The following ABCC1 variants were observed in gnomAD, a reference collection of about 807,000 sequenced individuals.
ABCC1 encodes the protein multidrug resistance-associated protein 1.
Under a neutral mutation model 172.9 loss-of-function variants are expected in ABCC1, and 83 were observed. The ratio of observed to expected loss-of-function variants is 0.48; its 90% confidence interval spans 0.40 to 0.58. The LOEUF (loss-of-function observed/expected upper bound fraction) is 0.58, where lower values mean the gene tolerates loss of function less well. ABCC1 is among the 20% of genes least tolerant of loss of function. The pLI is 0.00. For missense variants in ABCC1, 1,817 were observed against 2,002.7 expected, an observed-to-expected ratio of 0.91 and a Z score of 1.77; for synonymous variants, 937 against 825.2, an observed-to-expected ratio of 1.14 and a Z score of -2.32.
intron 1 of ABCC1, among the ~76,000 whole-genome samples, chr16:15,981,726 G>A (rs2046624332): frequency 6.6e-6 from 1 of 152,142 alleles, no homozygotes; most frequent in South Asian, 2.1e-4. Context: ...TTTCCCCATT[G>A]TCTTGGTGAT....
chr16:16,107,183 CT>C (rs2052161249), intron 21 of ABCC1, among the ~76,000 whole-genome samples: 1 of 152,186 alleles, frequency 6.6e-6, no homozygotes, highest in Admixed American at 6.5e-5. Flanking sequence ...GAGCTGGATG[CT>C]TTAAATCAGG....
chr16:16,141,284 C>T lies in ABCC1; in HGVS notation c.*3C>T, dbSNP rs373453875. 6.8e-6 allele frequency: 11 copies of T among 1,613,658 alleles called. No homozygotes were observed. The Admixed American group carries it at 1.5e-4, about 22-fold the overall frequency. ...CCAAAGACGCCGGCTTGGTGTGAGC[C>T]CCAGAGCTGGCATATCTGGTCAGAA... On this transcript the variant is annotated 3_prime_UTR_variant, in exon 31 of 31. Coordinates refer to ENST00000399410, the MANE Select transcript of ABCC1 (RefSeq NM_004996.4).
At chr16:16,120,303 C>A (rs1422448300) in intron 23 of ABCC1, among the ~76,000 whole-genome samples, 1 of 152,214 alleles carries the variant, frequency 6.6e-6, no homozygotes, top group Admixed American at 6.5e-5. Context: ...AATCAGGAAC[C>A]CCGGGCTCAC....
At chr16:16,090,149 T>C (rs2051182828) in intron 18 of ABCC1, among the ~76,000 whole-genome samples, 1 of 152,194 alleles carries the variant, frequency 6.6e-6, no homozygotes, top group African/African-American at 2.4e-5. Context: ...CAGGGGTCTT[T>C]GTTTCCTTCC....
chr16:15,975,110 G>C (rs1406796578), intron 1 of ABCC1, among the ~76,000 whole-genome samples: 1 of 152,136 alleles, frequency 6.6e-6, no homozygotes, highest in Non-Finnish European at 1.5e-5. Context: ...CTTAAGCACA[G>C]CTCTTCGGCA....
At chr16:16,123,498 A>C (rs1466216078) in intron 24 of ABCC1, among the ~76,000 whole-genome samples, 1 of 151,956 alleles carries the variant, frequency 6.6e-6, no homozygotes, top group East Asian at 1.9e-4. Flanking sequence ...TTAGCCGGGC[A>C]TGATGGTGGG....
intron 3 of ABCC1, 51 bp downstream of exon 3, chr16:16,009,952 G>C: frequency 7.4e-7 from 1 of 1,354,210 alleles, no homozygotes; most frequent in Non-Finnish European, 9.7e-7. Context: ...GCTCAGTGGA[G>C]ACCAAAAGTA....
At chr16:16,050,307 A>G (rs1389768116) in intron 10 of ABCC1, among the ~76,000 whole-genome samples, 1 of 152,070 alleles carries the variant, frequency 6.6e-6, no homozygotes, top group African/African-American at 2.4e-5. Flanking sequence ...AAAAATATAA[A>G]CATTAGTCAG....
intron 1 of ABCC1, among the ~76,000 whole-genome samples, chr16:15,972,086 T>A (rs2046382561): frequency 6.6e-6 from 1 of 152,064 alleles, no homozygotes; most frequent in Non-Finnish European, 1.5e-5. Flanking sequence ...CCCACAGTCA[T>A]GCTGGGTGGT....
chr16:16,100,363 GC>G (rs11323592), intron 19 of ABCC1, among the ~76,000 whole-genome samples: 147,487 of 151,874 alleles, frequency 0.97, 71,663 homozygotes, highest in East Asian at 1. Flanking sequence ...TGGTAGGAGA[GC>G]GGGGGGGCTC....
intron 20 of ABCC1, chr16:16,105,312 C>G (rs1370573820): frequency 6.6e-6 from 1 of 152,312 alleles, no homozygotes. Flanking sequence ...CAGGAAGCCC[C>G]AGCTCCCCAT....
At chr16:16,140,141 C>A (rs1034607700) in intron 30 of ABCC1, among the ~76,000 whole-genome samples, 1 of 152,108 alleles carries the variant, frequency 6.6e-6, no homozygotes, top group African/African-American at 2.4e-5. Context: ...AAAATGAATG[C>A]GCTTAATGAA....
At chr16:16,008,725 C>A (rs983205090) in intron 2 of ABCC1, among the ~76,000 whole-genome samples, 1 of 151,020 alleles carries the variant, frequency 6.6e-6, no homozygotes, top group African/African-American at 2.4e-5. Flanking sequence ...TGCCTGTAAT[C>A]TTAGCAACTT....
At position 16,132,516 on chromosome 16, in the gene ABCC1, T is replaced by TTTTTTG. The variant is rs1298035631; in HGVS notation, c.3966+586_3966+587insGTTTTT. Among the ~76,000 whole-genome samples the TTTTTTG allele has an allele frequency of 1.4e-4, 11 of 79,784 alleles. No individual in the cohort carries two copies. In the East Asian group the frequency reaches 2.2e-3, roughly 16 times the overall value. The allele number at this position is 79,784 out of a possible 152,430, so 52.3% of individuals were successfully genotyped here. On this transcript the variant is annotated intron_variant, in intron 27 of 30. Coordinates refer to ENST00000399410, the MANE Select transcript of ABCC1 (RefSeq NM_004996.4). ...TTTTGTTTTTTGGTTGGTTGTTTTT[T>TTTTTTG]TTTTTTTTTTTTTTTTTTTTTTTGA...
At chr16:16,098,469 A>G (rs1168424911) in intron 19 of ABCC1, among the ~76,000 whole-genome samples, 1 of 152,158 alleles carries the variant, frequency 6.6e-6, no homozygotes, top group African/African-American at 2.4e-5. Flanking sequence ...AAATACGAAA[A>G]TTAGCCAGGT....
intron 14 of ABCC1, among the ~76,000 whole-genome samples, chr16:16,074,028 A>G (rs2050458680): frequency 6.6e-6 from 1 of 152,126 alleles, no homozygotes; most frequent in African/African-American, 2.4e-5. Context: ...GGGAGTTGTC[A>G]CTTCTCTGGT....
Position 16,048,051 on chromosome 16 carries a change from G to A in ABCC1, c.1219-91G>A, listed in dbSNP as rs1042651728. 1.6e-5 allele frequency: 23 copies of A among 1,475,630 alleles called. No homozygotes were observed. The African/African-American group carries it at 3.1e-4, about 20-fold the overall frequency. The allele number at this position is 1,475,630 out of a possible 1,614,324, so 91.4% of individuals were successfully genotyped here. A position where few individuals can be genotyped will look rare whatever the true frequency, so the allele number is the denominator to read the frequency against. The stretch of plus-strand genomic sequence containing the variant: ...AGAGATCTGCGGCATTTCTGCCCCT[G>A]AGAGTCTCCTTCCTCTCCGTGGGTC... On this transcript the variant is annotated intron_variant, in intron 9 of 30. Transcript: ENST00000399410.
In ABCC1 at chr16:16,102,937, A is replaced by G. The variant is rs533462633; in HGVS notation, c.2735+220A>G. Among the ~76,000 whole-genome samples, 4 of 152,338 alleles carry G rather than the reference A, an allele frequency of 2.6e-5. No individual in the cohort carries two copies. The South Asian group carries it at 8.3e-4, about 32-fold the overall frequency. ...AGGTGGCACAACTCACACAGGCCTC[A>G]TGATTTAACCAGCTGTCCACGCTTC... is the stretch of plus-strand genomic sequence containing the variant. On this transcript the variant is annotated intron_variant, in intron 20 of 30. Coordinates refer to ENST00000399410, the MANE Select transcript of ABCC1 (RefSeq NM_004996.4).
intron 28 of ABCC1, 111 bp from the exon 29 acceptor site, chr16:16,136,367 A>T: frequency 8.5e-7 from 1 of 1,173,598 alleles, no homozygotes; most frequent in Admixed American, 2.5e-5. Context: ...GATTCCAAGG[A>T]GCTCTGATAC....
Sources: allele counts gnomAD v4.1 joint callset (sites outside exome capture counted in the v4.1 genomes callset), GRCh38; gene constraint gnomAD v4.1.1; transcripts MANE v1.5; gene names NCBI Gene and HGNC (gene_info 2026-07-23, HGNC 2026-07-21).